BMP5: variants seen among roughly 807,000 people sequenced by gnomAD.
BMP5 encodes bone morphogenetic protein 5.
A neutral mutation model predicts 46.6 loss-of-function variants in BMP5; 23 were observed. The observed-to-expected ratio is 0.49, with a 90% CI of 0.35 to 0.70. The LOEUF is 0.70. BMP5 is among the 30% of genes least tolerant of loss of function. BMP5 has a pLI of 0.00. For missense variants in BMP5, 545 were observed against 565.6 expected, an observed-to-expected ratio of 0.96 and a Z score of 0.37; for synonymous variants, 204 against 191.9, an observed-to-expected ratio of 1.06 and a Z score of -0.52.
At chr6:55,852,002 T>G (rs1190631641) in intron 1 of BMP5, among the ~76,000 whole-genome samples, 1 of 152,258 alleles carries the variant, frequency 6.6e-6, no homozygotes, top group Non-Finnish European at 1.5e-5. Flanking sequence ...GCCCAAATTT[T>G]CATGCCTCCT....
rs570375776 is a variant in BMP5 at position 55,851,797 on chromosome 6, TA to T, written c.490+22578del. The stretch of plus-strand genomic sequence containing the variant: ...AGATGTCATAGAAAGCACCTGATAA[TA>T]AAAAAAATCTACATTCCCTCTAGTA... On this transcript the variant is annotated intron_variant, in intron 1 of 6. Transcript: ENST00000370830. 2.2e-3 allele frequency among the ~76,000 whole-genome samples: 328 copies of T among 152,068 alleles called. 5 individuals are homozygous for T. The highest frequency in any genetic ancestry group is 7.2e-3 in the African/African-American group (300 of 41,516).
Position 55,804,417 on chromosome 6 carries a change from C to T in BMP5, c.684-9990G>A, listed in dbSNP as rs530908321. Among the ~76,000 whole-genome samples, 9 of 152,206 alleles carry T rather than the reference C, an allele frequency of 5.9e-5. No individual in the cohort carries two copies. The South Asian group carries it at 1.0e-3, about 18-fold the overall frequency. ...CATCCTCTAGAGGTTTTGGAGGGTG[C>T]GTGGCCTTACCAATTCCTTGATTTG... On this transcript the variant is annotated intron_variant, in intron 2 of 6. Transcript: ENST00000370830.
rs75004496 is a variant in BMP5 at position 55,867,692 on chromosome 6, T to C, written c.490+6684A>G. Reference sequence around the variant, plus strand: ...GCTGCCACCATCTTGAAATTCTTAATAATTTTTGAATAAGGGGCTTGCATT... The same window carrying C: ...GCTGCCACCATCTTGAAATTCTTAACAATTTTTGAATAAGGGGCTTGCATT... On this transcript the variant is annotated intron_variant, in intron 1 of 6. Transcript: ENST00000370830. Among the ~76,000 whole-genome samples the C allele has an allele frequency of 8.0e-3, 1,214 of 152,268 alleles. 53 individuals carry two copies. Among genetic ancestry groups the C allele is most frequent in the Admixed American group, 0.066 (1,003 of 15,284 alleles).
chr6:55,842,442 G>T (rs1776984774), intron 1 of BMP5, among the ~76,000 whole-genome samples: 1 of 152,078 alleles, frequency 6.6e-6, no homozygotes, highest in African/African-American at 2.4e-5. Flanking sequence ...CAGAGTCTCA[G>T]CCTACACATA....
chr6:55,869,840 T>A (rs1777737896), intron 1 of BMP5, among the ~76,000 whole-genome samples: 1 of 152,130 alleles, frequency 6.6e-6, no homozygotes, highest in Admixed American at 6.5e-5. Context: ...CATAACCTTT[T>A]CCTTCTCAAC....
At chr6:55,789,284 A>G (rs1453806853) in intron 3 of BMP5, among the ~76,000 whole-genome samples, 1 of 152,000 alleles carries the variant, frequency 6.6e-6, no homozygotes, top group Non-Finnish European at 1.5e-5. Context: ...CTGAAAACAT[A>G]GGGCTTTTTA....
intron 3 of BMP5, among the ~76,000 whole-genome samples, chr6:55,777,580 T>A (rs1775206620): frequency 6.6e-6 from 1 of 152,012 alleles, no homozygotes; most frequent in African/African-American, 2.4e-5. Flanking sequence ...GATACCAGCT[T>A]GAGCCCAAGC....
intron 4 of BMP5, 104 bp from the exon 5 acceptor site, chr6:55,760,637 G>T: frequency 9.9e-7 from 1 of 1,006,726 alleles, no homozygotes; most frequent in Non-Finnish European, 1.5e-6. Context: ...TTTATTTGAA[G>T]TTGTGGAAAA....
chr6:55,826,656 G>C (rs1776539171), intron 1 of BMP5, among the ~76,000 whole-genome samples: 1 of 151,136 alleles, frequency 6.6e-6, no homozygotes, highest in South Asian at 2.1e-4. Context: ...TGCATACCAA[G>C]CATTGGTATG....
intron 4 of BMP5, among the ~76,000 whole-genome samples, chr6:55,770,803 AG>A (rs1363836391): frequency 6.6e-6 from 1 of 151,894 alleles, no homozygotes; most frequent in Non-Finnish European, 1.5e-5. Context: ...ATTGTGTCTC[AG>A]GGAATAGGGA....
At chr6:55,866,233 T>C (rs1351805974) in intron 1 of BMP5, among the ~76,000 whole-genome samples, 1 of 152,164 alleles carries the variant, frequency 6.6e-6, no homozygotes, top group Non-Finnish European at 1.5e-5. Context: ...ATTCAGTGTT[T>C]CTCTGTGATT....
At position 55,816,609 on chromosome 6, in the gene BMP5, T is replaced by C. The variant is rs78793318; in HGVS notation, c.683+3046A>G. 4.3e-4 allele frequency among the ~76,000 whole-genome samples: 65 copies of C among 152,218 alleles called. 1 individual carries two copies. In the East Asian group the frequency reaches 0.012, roughly 28 times the overall value. On this transcript the variant is annotated intron_variant, in intron 2 of 6. Coordinates refer to ENST00000370830, the MANE Select transcript of BMP5 (RefSeq NM_021073.4). ...GACAAATAGGTAGTCAGTGTTAAAG[T>C]TGAGAAACAAATATAGGTCTTTCTG...
chr6:55,797,181 T>TCC (rs202088162), intron 2 of BMP5, among the ~76,000 whole-genome samples: 3 of 151,664 alleles, frequency 2.0e-5, no homozygotes, highest in African/African-American at 7.3e-5. Context: ...TAAAAACAAG[T>TCC]CCCCCCCAAC....
At chr6:55,846,233 T>C (rs1484668321) in intron 1 of BMP5, among the ~76,000 whole-genome samples, 1 of 152,014 alleles carries the variant, frequency 6.6e-6, no homozygotes, top group Non-Finnish European at 1.5e-5. Flanking sequence ...AAAGCATAAG[T>C]GGAGCCAAGA....
In BMP5 at chr6:55,774,062, C is replaced by T. The variant is rs767872170; in HGVS notation, c.1014G>A (p.Met338Ile). The change falls in exon 4 of 7, where the codon ATG becomes ATA. Residue 338 changes from methionine to isoleucine, a missense_variant. Met to Ile is a conservative substitution (Grantham distance 10). Coordinates refer to ENST00000370830, the MANE Select transcript of BMP5 (RefSeq NM_021073.4). ...GTTTATTCTTACCTCCAACACTGGA[C>T]ATTCTGGAGGAGTCCTGATGAGAGC... ...KSSSHQDSSR[M>I]SSVGDYNTSE... The T allele has an allele frequency of 3.0e-5, 49 of 1,612,482 alleles. 1 individual carries two copies. The Admixed American group carries it at 6.4e-4, about 21-fold the overall frequency.
At chr6:55,795,689 A>G (rs1217803011) in intron 2 of BMP5, among the ~76,000 whole-genome samples, 2 of 152,150 alleles carry the variant, frequency 1.3e-5, no homozygotes, top group East Asian at 1.9e-4. Flanking sequence ...ATTTTTTTCT[A>G]TTAATCTAGA....
intron 1 of BMP5, among the ~76,000 whole-genome samples, chr6:55,873,440 A>G (rs1467951321): frequency 6.6e-6 from 1 of 151,882 alleles, no homozygotes; most frequent in Non-Finnish European, 1.5e-5. Flanking sequence ...AGAGATAGTA[A>G]ATTTCACCTT....
chr6:55,819,565 T>A, intron 2 of BMP5, 90 bp downstream of exon 2: 1 of 1,066,444 alleles, frequency 9.4e-7, no homozygotes, highest in Non-Finnish European at 1.4e-6. Flanking sequence ...AAAAAATAAT[T>A]TGTTTGATAG....
intron 6 of BMP5, 137 bp from the exon 7 acceptor site, chr6:55,755,819 G>GGAATA: frequency 1.2e-6 from 1 of 833,044 alleles, no homozygotes; most frequent in Non-Finnish European, 1.9e-6. Context: ...TTTATTCCAT[G>GGAATA]ACTGGGGTGG....
Sources: allele counts gnomAD v4.1 joint callset (sites outside exome capture counted in the v4.1 genomes callset), GRCh38; gene constraint gnomAD v4.1.1; transcripts MANE v1.5; gene names NCBI Gene and HGNC (gene_info 2026-07-23, HGNC 2026-07-21).